FBLN7: variants seen among roughly 807,000 people sequenced by gnomAD.
The protein encoded by FBLN7 is fibulin 7, also known as fibulin-7.
A neutral mutation model predicts 44.0 loss-of-function variants in FBLN7; 31 were observed. The observed-to-expected ratio is 0.70, with a 90% CI of 0.53 to 0.95. The LOEUF is 0.95. FBLN7 is among the 40% of genes least tolerant of loss of function. The pLI, the probability that FBLN7 is intolerant of heterozygous loss-of-function variation, is 0.00. For missense variants in FBLN7, 573 were observed against 618.5 expected (o/e 0.93, Z 0.78); for synonymous variants, 262 against 253.4 (o/e 1.03, Z -0.32).
chr2:112,187,419 C>T lies in FBLN7; in HGVS notation c.1233C>T (p.Asp411=), dbSNP rs527375702. 105 of 1,614,162 alleles carry T rather than the reference C, an allele frequency of 6.5e-5. No individual in the cohort carries two copies. Among genetic ancestry groups the T allele is most frequent in the Admixed American group, 4.3e-4 (26 of 60,022 alleles). ...AGGGGCCTCAGACGCTGGAGGTGGA[C>T]GTCGACATGTCGGAATACCTGGACC... ...NLEGPQTLEV[D]VDMSEYLDRS... The change falls in exon 8 of 8, where the codon GAC becomes GAT. Residue 411 remains aspartate, a synonymous_variant. Transcript: ENST00000331203. The surrounding 1 kb of genome is among the most constrained non-coding windows in gnomAD (Gnocchi z 5.1).
At chr2:112,204,312 T>G in the FBLN7 span, among the ~76,000 whole-genome samples, 1 of 151,458 alleles carries the variant, frequency 6.6e-6, no homozygotes, top group Non-Finnish European at 1.5e-5. Context: ...CCTTAGATAT[T>G]TGTGAGGTCA....
intron 3 of FBLN7, among the ~76,000 whole-genome samples, chr2:112,172,583 G>A (rs933421100): frequency 2.0e-5 from 3 of 149,790 alleles, no homozygotes; most frequent in African/African-American, 7.4e-5. Flanking sequence ...CAGCCTTTCT[G>A]GGTCAGTTTT....
intron 4 of FBLN7, 88 bp from the exon 5 acceptor site, chr2:112,181,651 G>A (rs1275482824): frequency 1.4e-5 from 18 of 1,323,384 alleles, no homozygotes; most frequent in Non-Finnish European, 1.7e-5. Flanking sequence ...CCGTGCCTCC[G>A]TCTTGGTTCT....
chr2:112,141,562 G>A (rs1449549659), intron 1 of FBLN7, among the ~76,000 whole-genome samples: 1 of 152,174 alleles, frequency 6.6e-6, no homozygotes. Flanking sequence ...CCAGTTTGGG[G>A]CCACGCTAAA....
At chr2:112,234,169 C>T in the FBLN7 span, 42 of 1,608,346 alleles carry the variant, frequency 2.6e-5, no homozygotes, top group Middle Eastern at 1.6e-4. Flanking sequence ...TTTTCCCTTG[C>T]GTTCCACTGT....
the FBLN7 span, among the ~76,000 whole-genome samples, chr2:112,194,016 G>T: frequency 6.6e-6 from 1 of 152,194 alleles, no homozygotes; most frequent in Non-Finnish European, 1.5e-5. Context: ...CGGTGGGCCA[G>T]TAGTTCAGAG....
chr2:112,181,040 A>G (rs74490168), intron 4 of FBLN7, among the ~76,000 whole-genome samples: 3,943 of 152,224 alleles, frequency 0.026, 164 homozygotes, highest in African/African-American at 0.09. Context: ...TTGTGGAAAC[A>G]TGGATGGAGC....
intron 1 of FBLN7, among the ~76,000 whole-genome samples, chr2:112,157,528 T>TA (rs1382490156): frequency 6.6e-6 from 1 of 152,162 alleles, no homozygotes; most frequent in African/African-American, 2.4e-5. Context: ...ATGGCCTTAG[T>TA]AGAGACCTGC....
chr2:112,242,056 A>G, the FBLN7 span, among the ~76,000 whole-genome samples: 4 of 152,310 alleles, frequency 2.6e-5, no homozygotes, highest in South Asian at 6.2e-4. Flanking sequence ...AAAGGCCTTT[A>G]GAGACACAGA....
intron 3 of FBLN7, among the ~76,000 whole-genome samples, chr2:112,171,161 G>A (rs774218248): frequency 5.3e-5 from 8 of 152,186 alleles, no homozygotes; most frequent in Non-Finnish European, 8.8e-5. Context: ...GGTAGACATC[G>A]TCTGGAGCTC....
rs1469182627 is a variant in FBLN7, at chr2:112,138,527, T to A, written c.-129T>A. ...GCTCGGGGCCTCCCGCCTCCCCCCC[T>A]GCCCCAGCCGCCCCCCGGCCGCGCG... On this transcript the variant is annotated 5_prime_UTR_variant, in exon 1 of 8. Transcript: ENST00000331203. 401 of 1,124,128 alleles carry A rather than the reference T, an allele frequency of 3.6e-4. No homozygotes were observed. Among genetic ancestry groups the A allele is most frequent in the Middle Eastern group, 6.7e-4 (2 of 3,000 alleles). 69.6% of individuals were successfully genotyped at this position (1,124,128 alleles called of 1,614,324 possible).
chr2:112,172,302 T>A (rs1682504875), intron 3 of FBLN7, among the ~76,000 whole-genome samples: 2 of 152,338 alleles, frequency 1.3e-5, no homozygotes, highest in South Asian at 4.1e-4. Flanking sequence ...TCAGCGAGTG[T>A]CACTACCATC....
At chr2:112,220,496 T>C in the FBLN7 span, among the ~76,000 whole-genome samples, 1 of 152,084 alleles carries the variant, frequency 6.6e-6, no homozygotes, top group African/African-American at 2.4e-5. Context: ...GCTTGTAGGG[T>C]TGCTGCTGAT....
chr2:112,149,958 G>T (rs560193963), intron 1 of FBLN7, among the ~76,000 whole-genome samples: 1 of 152,210 alleles, frequency 6.6e-6, no homozygotes, highest in African/African-American at 2.4e-5. Context: ...GGAACTCAGC[G>T]TGGGGCTGGG....
chr2:112,165,206 C>T, intron 3 of FBLN7, 35 bp downstream of exon 3: 2 of 1,599,968 alleles, frequency 1.3e-6, no homozygotes, highest in Non-Finnish European at 1.7e-6. Flanking sequence ...CTGCGCTGGA[C>T]CCATCACAGT....
the FBLN7 span, chr2:112,233,247 T>A: frequency 6.7e-7 from 1 of 1,492,528 alleles, no homozygotes; most frequent in South Asian, 1.3e-5. Flanking sequence ...CCATATCTTG[T>A]GATAAAGGAT....
chr2:112,145,386 C>T (rs1179451568), intron 1 of FBLN7, among the ~76,000 whole-genome samples: 1 of 152,146 alleles, frequency 6.6e-6, no homozygotes, highest in Non-Finnish European at 1.5e-5. Context: ...ACCCTCCTGC[C>T]TCAGCCTCTG....
At chr2:112,238,444 T>G in the FBLN7 span, 1 of 1,613,578 alleles carries the variant, frequency 6.2e-7, no homozygotes, top group Non-Finnish European at 8.5e-7. Context: ...TGACTGCAGA[T>G]ATCATTATCA....
chr2:112,167,875 G>GTTAT (rs1553476221), intron 3 of FBLN7, among the ~76,000 whole-genome samples: 1 of 148,612 alleles, frequency 6.7e-6, no homozygotes. Context: ...GACACGTTAT[G>GTTAT]TTATGTTATG....
Sources: allele counts gnomAD v4.1 joint callset (sites outside exome capture counted in the v4.1 genomes callset), GRCh38; gene constraint gnomAD v4.1.1; non-coding constraint Gnocchi (gnomAD v3.1); transcripts MANE v1.5; gene names NCBI Gene and HGNC (gene_info 2026-07-23, HGNC 2026-07-21).